CDKL5: variants seen among roughly 807,000 people sequenced by gnomAD.
CDKL5 encodes the protein cyclin dependent kinase like 5.
CDKL5 carries 8 observed loss-of-function variants against 61.7 expected under a neutral mutation model. The ratio of observed to expected loss-of-function variants is 0.13; its 90% confidence interval spans 0.08 to 0.23. CDKL5 has a LOEUF of 0.23. Ranked by LOEUF, CDKL5 falls within the 10% of genes least tolerant of loss-of-function variation. CDKL5 has a pLI of 1.00. For synonymous variants in CDKL5, 275 were observed against 272.3 expected, an observed-to-expected ratio of 1.01 and a Z score of -0.10; for missense variants, 440 against 734.5, an observed-to-expected ratio of 0.60 and a Z score of 4.63.
At chrX:18,530,458 G>A (rs1255499339) in intron 3 of CDKL5, among the ~76,000 whole-genome samples, 1 of 110,841 alleles carries the variant, frequency 9.0e-6, no homozygotes, top group Non-Finnish European at 1.9e-5. Context: ...GTTTACTGTC[G>A]AGTCCATTAA....
Position 18,497,076 on chromosome X carries a change from T to A in CDKL5, c.-162-9859T>A, listed in dbSNP as rs1922201647. Reference sequence around the variant, plus strand: ...GGCGCTATCTCGGCTTACTGTAACCTCTGCCTCCTGGGTTCAAGCAATTCT... The same window carrying A: ...GGCGCTATCTCGGCTTACTGTAACCACTGCCTCCTGGGTTCAAGCAATTCT... On this transcript the variant is annotated intron_variant, in intron 1 of 17. Transcript: ENST00000623535. Among the ~76,000 whole-genome samples, 5 of 109,341 alleles carry A rather than the reference T, an allele frequency of 4.6e-5. No individual in the cohort carries two copies. In the South Asian group the frequency reaches 2.0e-3, roughly 44 times the overall value. The allele number at this position is 109,341 out of a possible 115,157, so 94.9% of individuals were successfully genotyped here. A position where few individuals can be genotyped will look rare whatever the true frequency, so the allele number is the denominator to read the frequency against.
intron 1 of CDKL5, among the ~76,000 whole-genome samples, chrX:18,496,902 C>G (rs1922194540): frequency 9.0e-6 from 1 of 110,774 alleles, no homozygotes; most frequent in Non-Finnish European, 1.9e-5. Context: ...TGTCTGACCT[C>G]TCTTCCTGGC....
At position 18,572,777 on chromosome X, in the gene CDKL5, C is replaced by T. The variant is rs192457611; in HGVS notation, c.146-2577C>T. Reference sequence around the variant, plus strand: ...TCATGTAGGAAGAATGTATTGATCACCTCTCCTTGTGTCAGGTACAGTCCT... The same window carrying T: ...TCATGTAGGAAGAATGTATTGATCATCTCTCCTTGTGTCAGGTACAGTCCT... On this transcript the variant is annotated intron_variant, in intron 4 of 17. Transcript: ENST00000623535. 1.3e-3 allele frequency among the ~76,000 whole-genome samples: 145 copies of T among 112,101 alleles called. 1 individual carries two copies. The highest frequency in any genetic ancestry group is 4.3e-4 in the Non-Finnish European group (23 of 53,224).
At chrX:18,545,464 AT>A (rs1296999707) in intron 3 of CDKL5, among the ~76,000 whole-genome samples, 1 of 112,098 alleles carries the variant, frequency 8.9e-6, no homozygotes, top group African/African-American at 3.2e-5. Context: ...TTATGTAAAT[AT>A]TATCCATGCC....
intron 4 of CDKL5, among the ~76,000 whole-genome samples, chrX:18,565,519 T>C (rs971192033): frequency 8.9e-6 from 1 of 112,013 alleles, no homozygotes; most frequent in Non-Finnish European, 1.9e-5. Flanking sequence ...AGCATCAATC[T>C]TCATATCTAA....
intron 1 of CDKL5, among the ~76,000 whole-genome samples, chrX:18,457,730 C>T (rs1486971722): frequency 2.8e-5 from 3 of 108,317 alleles, no homozygotes; most frequent in Non-Finnish European, 3.8e-5. Flanking sequence ...ATTCTCCTGC[C>T]TCAGCCTCCT....
chrX:18,568,725 G>A (rs894872111), intron 4 of CDKL5, among the ~76,000 whole-genome samples: 1 of 110,223 alleles, frequency 9.1e-6, no homozygotes, highest in Admixed American at 9.8e-5. Context: ...ACAGGGTCTT[G>A]CTTTGTATCC....
chrX:18,641,827 T>C (rs1927584939), downstream of CDKL5: 2 of 459,280 alleles, frequency 4.4e-6, no homozygotes, highest in Middle Eastern at 6.0e-4. Flanking sequence ...AAGTTCATTT[T>C]TATTTCATTG....
At chrX:18,538,338 T>C (rs1202111056) in intron 3 of CDKL5, among the ~76,000 whole-genome samples, 2 of 112,148 alleles carry the variant, frequency 1.8e-5, no homozygotes, top group Non-Finnish European at 3.8e-5. Flanking sequence ...TTTAAATCTT[T>C]TGTTCTATAT....
At chrX:18,521,411 A>AT (rs1923238873) in intron 3 of CDKL5, among the ~76,000 whole-genome samples, 1 of 110,939 alleles carries the variant, frequency 9.0e-6, no homozygotes, top group Non-Finnish European at 1.9e-5. Context: ...TATTGCTCAT[A>AT]TTTTTAAAAC....
At chrX:18,439,130 C>T (rs760482168) in intron 1 of CDKL5, among the ~76,000 whole-genome samples, 132 of 96,325 alleles carry the variant, frequency 1.4e-3, no homozygotes, top group African/African-American at 5.0e-3. Context: ...CCAGTGGATC[C>T]TCCTCTCTGC....
intron 3 of CDKL5, among the ~76,000 whole-genome samples, chrX:18,524,465 CAG>C (rs1923359616): frequency 8.9e-6 from 1 of 112,087 alleles, no homozygotes; most frequent in Admixed American, 9.4e-5. Context: ...TGTGGAGGGA[CAG>C]AGTCCTAGAT....
chrX:18,572,091 AAAG>A (rs201388951), intron 4 of CDKL5, among the ~76,000 whole-genome samples: 225 of 112,310 alleles, frequency 2.0e-3, no homozygotes, highest in African/African-American at 6.5e-3. Flanking sequence ...ATTTTAATGA[AAAG>A]AAATAATAGA....
intron 1 of CDKL5, among the ~76,000 whole-genome samples, chrX:18,485,010 A>C (rs1294200327): frequency 9.1e-6 from 1 of 110,325 alleles, no homozygotes; most frequent in Admixed American, 9.8e-5. Context: ...CAGTCATGTA[A>C]TATTATTTTC....
intron 1 of CDKL5, among the ~76,000 whole-genome samples, chrX:18,441,716 C>T: frequency 9.0e-6 from 1 of 111,286 alleles, no homozygotes; most frequent in East Asian, 2.8e-4. Flanking sequence ...ATTGGTTTAC[C>T]AGAACAGTGT....
At chrX:18,551,628 C>T (rs911535723) in intron 3 of CDKL5, among the ~76,000 whole-genome samples, 2 of 102,535 alleles carry the variant, frequency 2.0e-5, no homozygotes, top group Admixed American at 1.1e-4. Context: ...CACTGTTGCT[C>T]AGGCTGGAGC....
At chrX:18,427,671 T>C (rs938315679) in intron 1 of CDKL5, among the ~76,000 whole-genome samples, 1 of 111,590 alleles carries the variant, frequency 9.0e-6, no homozygotes, top group African/African-American at 3.3e-5. Context: ...TTTTGTTGTT[T>C]AGCATATTTC....
intron 3 of CDKL5, among the ~76,000 whole-genome samples, chrX:18,520,591 G>A (rs1923208884): frequency 9.0e-6 from 1 of 111,420 alleles, no homozygotes; most frequent in African/African-American, 3.3e-5. Context: ...CAATTCTCTG[G>A]GGTATATACC....
chrX:18,638,261 T>G lies in CDKL5; in HGVS notation c.*9504T>G, dbSNP rs1173434751. 1 of 112,504 alleles carries G rather than the reference T, an allele frequency of 8.9e-6. No homozygotes were observed. Among genetic ancestry groups the G allele is most frequent in the Non-Finnish European group, 1.9e-5 (1 of 53,339 alleles). The allele number at this position is 112,504 out of a possible 1,213,427, so 9.3% of individuals were successfully genotyped here. A position where few individuals can be genotyped will look rare whatever the true frequency, so the allele number is the denominator to read the frequency against. ...TTTTTTTCCTTAATATTGGCAACAC[T>G]TAATGCTACTTCTTTGTTCGTAACA... is the stretch of plus-strand genomic sequence containing the variant. On this transcript the variant is annotated 3_prime_UTR_variant, in exon 18 of 18. Transcript: ENST00000623535.
Sources: allele counts gnomAD v4.1 joint callset (sites outside exome capture counted in the v4.1 genomes callset), GRCh38; gene constraint gnomAD v4.1.1; transcripts MANE v1.5; gene names NCBI Gene and HGNC (gene_info 2026-07-23, HGNC 2026-07-21).